Variants in BTN3A3 observed in about 807,000 individuals in gnomAD.
BTN3A3 encodes butyrophilin 3.
BTN3A3 carries 39 observed loss-of-function variants against 43.2 expected under a neutral mutation model. The ratio of observed to expected loss-of-function variants is 0.90; its 90% CI spans 0.70 to 1.18. BTN3A3 has a LOEUF of 1.18. Ranked by LOEUF, BTN3A3 falls within the 50% of genes most tolerant of loss-of-function variation. BTN3A3 has a pLI of 0.00. For missense variants in BTN3A3, 631 were observed against 722.8 expected, an observed-to-expected ratio of 0.87 and a Z score of 1.46; for synonymous variants, 255 against 272.7, an observed-to-expected ratio of 0.93 and a Z score of 0.64.
At chr6:26,443,528 A>C (rs1473388805) in intron 2 of BTN3A3, 42 bp from the exon 3 acceptor site, 2 of 1,611,950 alleles carry the variant, frequency 1.2e-6, no homozygotes, top group Admixed American at 3.3e-5. Flanking sequence ...CTTCCAGGCC[A>C]TAGTGTCTGT....
rs1457522587 is a variant in BTN3A3, at chr6:26,445,735, G to A, written c.465G>A (p.Lys155=). Reference sequence around the variant, plus strand: ...GTTCTGATCTTCACATTGAAGTGAAGGGTTATGAGGATGGAGGGATCCATC... The same window carrying A: ...GTTCTGATCTTCACATTGAAGTGAAAGGTTATGAGGATGGAGGGATCCATC... ...ALGSDLHIEV[K]GYEDGGIHLE... is the part of the protein sequence containing the mutation. The change falls in exon 5 of 11, where the codon AAG becomes AAA. Residue 155 remains lysine (K), a synonymous_variant. Transcript: ENST00000244519. 5.0e-6 allele frequency: 8 copies of A among 1,614,072 alleles called. No individual in the cohort carries two copies. The Admixed American group carries it at 1.0e-4, about 20-fold the overall frequency.
At chr6:26,446,913 G>C (rs1762795053) in intron 5 of BTN3A3, among the ~76,000 whole-genome samples, 4 of 152,080 alleles carry the variant, frequency 2.6e-5, no homozygotes. Flanking sequence ...ATTTTTACTA[G>C]AGATGTGGTT....
In BTN3A3 at chr6:26,451,983, C is replaced by A. The variant is rs148819206; in HGVS notation, c.1327C>A (p.Arg443=). ...GGGCCTGACTGATGGGAATAAGTAT[C>A]GGGCTCTCACTGAGCCCAGAACCAA... ...TMGLTDGNKY[R]ALTEPRTNLK... Residue 443 remains arginine, a synonymous_variant, in exon 11 of 11, where the codon CGG becomes AGG. Transcript: ENST00000244519. 1.2e-6 allele frequency: 2 copies of A among 1,614,088 alleles called. No individual in the cohort carries two copies. Among genetic ancestry groups the A allele is most frequent in the East Asian group, 2.2e-5 (1 of 44,872 alleles).
At chr6:26,450,281 G>GGGCC (rs1345714277) in intron 10 of BTN3A3, 148 bp downstream of exon 10, 1 of 965,044 alleles carries the variant, frequency 1.0e-6, no homozygotes, top group African/African-American at 1.7e-5. Context: ...TCTGAAAAGT[G>GGGCC]GGCCCATCTC....
chr6:26,441,775 C>T (rs1762642640), intron 1 of BTN3A3, among the ~76,000 whole-genome samples: 1 of 152,078 alleles, frequency 6.6e-6, no homozygotes, highest in Admixed American at 6.6e-5. Context: ...AAGGAATCCT[C>T]CCACCTTGAC....
Position 26,443,430 on chromosome 6 carries a change from A to G in BTN3A3, c.-18A>G, listed in dbSNP as rs1440402453. 3.4e-6 allele frequency: 5 copies of G among 1,471,130 alleles called. No individual in the cohort carries two copies. Among genetic ancestry groups the G allele is most frequent in the Middle Eastern group, 1.8e-4 (1 of 5,422 alleles). The allele number at this position is 1,471,130 out of a possible 1,614,324, so 91.1% of individuals were successfully genotyped here. A position where few individuals can be genotyped will look rare whatever the true frequency, so the allele number is the denominator to read the frequency against. On this transcript the variant is annotated 5_prime_UTR_variant, in exon 2 of 11. Transcript: ENST00000244519. ...AAGGTAAAGACACTCAAGGACAGAC[A>G]TTTTTGGCAGAGGTAAGATCTTCTT...
At chr6:26,442,604 G>C (rs1762667471) in intron 1 of BTN3A3, among the ~76,000 whole-genome samples, 1 of 152,158 alleles carries the variant, frequency 6.6e-6, no homozygotes, top group East Asian at 1.9e-4. Flanking sequence ...AATTCCCTCT[G>C]AGGGATGAGC....
intron 5 of BTN3A3, 42 bp downstream of exon 5, chr6:26,446,027 T>A (rs1762770829): frequency 6.2e-7 from 1 of 1,606,454 alleles, no homozygotes; most frequent in African/African-American, 1.3e-5. Flanking sequence ...AGCTGAGCTG[T>A]GGCAGGTGAT....
chr6:26,450,147 T>C lies in BTN3A3; in HGVS notation c.1018+14T>C. ...TCTTCAAACCTGGTGAGTAAATCAC[T>C]GTATGTTCCCTGGATCAACAACCTG... On this transcript the variant is annotated intron_variant, in intron 10 of 10. Coordinates refer to ENST00000244519, the MANE Select transcript of BTN3A3 (RefSeq NM_006994.5). The C allele has an allele frequency of 6.2e-7, 1 of 1,612,272 alleles. No homozygotes were observed. Among genetic ancestry groups the C allele is most frequent in the South Asian group, 1.1e-5 (1 of 91,026 alleles).
intron 5 of BTN3A3, among the ~76,000 whole-genome samples, chr6:26,446,800 C>T (rs1025201130): frequency 6.6e-6 from 1 of 152,156 alleles, no homozygotes; most frequent in Non-Finnish European, 1.5e-5. Context: ...GCAATCTCGG[C>T]TCACTGCAAC....
Position 26,452,121 on chromosome 6 carries a change from G to A in BTN3A3, c.1465G>A (p.Ala489Thr), listed in dbSNP as rs147058580. 417 of 1,614,058 alleles carry A rather than the reference G, an allele frequency of 2.6e-4. No homozygotes were observed. In the African/African-American group the frequency reaches 4.7e-3, roughly 18 times the overall value. Residue 489 changes from alanine (A) to threonine (T), a missense_variant, in exon 11 of 11, where the codon GCC becomes ACC. Ala to Thr is a moderately conservative substitution (Grantham distance 58). Around this residue, in one of 2 missense-constraint regions of BTN3A3, gnomAD observed 551 missense variants for 584.0 expected, o/e 0.94. Transcript: ENST00000244519. ...DGSHIYTFPHASFSEPLYPVF... is the reference protein window; with the variant it reads ...DGSHIYTFPHTSFSEPLYPVF... ...ATCTCATATCTACACCTTTCCGCAC[G>A]CCTCTTTCTCTGAGCCTCTATATCC...
rs767501136 is a variant in BTN3A3 at position 26,444,032 on chromosome 6, T to G, written c.161T>G (p.Leu54Arg). 1.2e-6 allele frequency: 2 copies of G among 1,614,002 alleles called. No individual in the cohort carries two copies. Among genetic ancestry groups the G allele is most frequent in the Middle Eastern group, 3.3e-4 (2 of 6,056 alleles). ...GAAGACGCTGATCTGCCCTGTCACC[T>G]GTTCCCGACCATGAGTGCAGAGACC... ...VGEDADLPCH[L>R]FPTMSAETME... The change falls in exon 4 of 11, where the codon CTG becomes CGG. Residue 54 changes from leucine to arginine, a missense_variant. By Grantham distance (102) the Leu-to-Arg change is moderately radical. Coordinates refer to ENST00000244519, the MANE Select transcript of BTN3A3 (RefSeq NM_006994.5).
chr6:26,451,943 C>T lies in BTN3A3; in HGVS notation c.1287C>T (p.Asn429=), dbSNP rs753121280. Residue 429 remains asparagine (N), a synonymous_variant, in exon 11 of 11, where the codon AAC becomes AAT. Transcript: ENST00000244519. Reference sequence around the variant, plus strand: ...GTTGGGTCAAAATGACACCGGAGAACGGATACTGGACTATGGGCCTGACTG... The same window carrying T: ...GTTGGGTCAAAATGACACCGGAGAATGGATACTGGACTATGGGCCTGACTG... The part of the protein sequence containing the change: ...KKGWVKMTPE[N]GYWTMGLTDG... 8.1e-6 allele frequency: 13 copies of T among 1,613,948 alleles called. No homozygotes were observed. In the East Asian group the frequency reaches 1.6e-4, roughly 19 times the overall value.
chr6:26,448,118 G>C, intron 5 of BTN3A3, 130 bp from the exon 6 acceptor site: 1 of 1,060,198 alleles, frequency 9.4e-7, no homozygotes, highest in Non-Finnish European at 1.3e-6. Flanking sequence ...TTTAGGGACA[G>C]AACGCTTATT....
rs142504322 is a variant in BTN3A3, at chr6:26,448,184, G to A, written c.716-64G>A. On this transcript the variant is annotated intron_variant, in intron 5 of 10. Transcript: ENST00000244519. ...ACCTGGGCTGAGCAGCTAAAGCTTG[G>A]GGTGCTGAGGCTGGGGAGGCTGAGT... 3.2e-6 allele frequency: 5 copies of A among 1,567,594 alleles called. No individual in the cohort carries two copies. In the African/African-American group the frequency reaches 6.8e-5, roughly 21 times the overall value.
At position 26,451,885 on chromosome 6, in the gene BTN3A3, G is replaced by A. The variant is rs779160479; in HGVS notation, c.1229G>A (p.Gly410Glu). 8 of 1,614,102 alleles carry A rather than the reference G, an allele frequency of 5.0e-6. 1 individual carries two copies. In the South Asian group the frequency reaches 7.7e-5, roughly 16 times the overall value. ...GGGGACAGAAAAGAGTGGCATATTG[G>A]GGTATGTAGTAAGAACGTGGAGAGG... ...EVGDRKEWHI[G>E]VCSKNVERKK... The change falls in exon 11 of 11, where the codon GGG (glycine) becomes GAG (glutamate). Residue 410 changes from glycine (G) to glutamate (E), a missense_variant. Around this residue, in one of 2 missense-constraint regions of BTN3A3, gnomAD observed 551 missense variants for 584.0 expected, o/e 0.94. Transcript: ENST00000244519.
rs1762947659 is a variant in BTN3A3, at chr6:26,452,083, A to G, written c.1427A>G (p.Asn476Ser). ...DYETGEISFYNATDGSHIYTF... is the reference protein window; with the variant it reads ...DYETGEISFYSATDGSHIYTF... The stretch of plus-strand genomic sequence containing the variant: ...GAGACTGGAGAGATCTCGTTCTATA[A>G]TGCCACAGATGGATCTCATATCTAC... The change falls in exon 11 of 11, where the codon AAT (asparagine) becomes AGT (serine). Residue 476 changes from asparagine (N) to serine (S), a missense_variant. Transcript: ENST00000244519. The G allele has an allele frequency of 6.2e-7, 1 of 1,614,086 alleles. No homozygotes were observed.
chr6:26,448,712 A>G lies in BTN3A3; in HGVS notation c.938-16A>G. On this transcript the variant is annotated splice_polypyrimidine_tract_variant and intron_variant, in intron 7 of 10. Transcript: ENST00000244519. Reference sequence around the variant, plus strand: ...TTGAGCACCTTGATAACCCTTCCCTATTCATTCCATTGCAGAGTGGAGGAA... The same window carrying G: ...TTGAGCACCTTGATAACCCTTCCCTGTTCATTCCATTGCAGAGTGGAGGAA... The G allele has an allele frequency of 2.5e-6, 4 of 1,613,740 alleles. No homozygotes were observed. Among genetic ancestry groups the G allele is most frequent in the Middle Eastern group, 1.6e-4 (1 of 6,062 alleles).
chr6:26,446,129 G>C (rs1444722494), intron 5 of BTN3A3, 144 bp downstream of exon 5: 4 of 1,328,254 alleles, frequency 3.0e-6, no homozygotes, highest in African/African-American at 1.5e-5. Flanking sequence ...GGACCTGAAG[G>C]CTACTCACTG....
Sources: gnomAD v4.1 joint callset for allele counts (sites outside exome capture counted in the v4.1 genomes callset) on GRCh38, gnomAD v4.1.1 for gene constraint, gnomAD v4.1.1 regional missense constraint, MANE v1.5 for transcripts, NCBI Gene and HGNC (gene_info 2026-07-23, HGNC 2026-07-21) for gene names.